Variants in ANKFN1 observed in about 807,000 individuals in gnomAD.
ANKFN1 encodes the protein ankyrin repeat and fibronectin type III domain containing 1.
A neutral mutation model predicts 108.7 loss-of-function variants in ANKFN1; 74 were observed. The ratio of observed to expected loss-of-function variants is 0.68; its 90% CI spans 0.56 to 0.83. ANKFN1 has a LOEUF of 0.83. ANKFN1 is among the 40% of genes least tolerant of loss of function. The pLI, the probability that ANKFN1 is intolerant of heterozygous loss-of-function variation, is 0.00. For synonymous variants in ANKFN1, 547 were observed against 516.2 expected, an observed-to-expected ratio of 1.06 and a Z score of -0.81; for missense variants, 1,505 against 1,382.3, an observed-to-expected ratio of 1.09 and a Z score of -1.41.
intron 9 of ANKFN1, 83 bp downstream of exon 9, chr17:56,440,507 C>A: frequency 1.9e-6 from 2 of 1,067,112 alleles, no homozygotes; most frequent in Non-Finnish European, 2.8e-6. Context: ...ATTCTGAAAG[C>A]AACAGCCAAC....
At chr17:56,379,454 A>T (rs1420703201) in intron 8 of ANKFN1, among the ~76,000 whole-genome samples, 1 of 151,980 alleles carries the variant, frequency 6.6e-6, no homozygotes, top group Non-Finnish European at 1.5e-5. Flanking sequence ...TCGTATTCAT[A>T]CCTCAAACTC....
chr17:56,492,035 A>G (rs1191651923), intron 18 of ANKFN1, among the ~76,000 whole-genome samples, 152 bp from the exon 19 acceptor site: 1 of 152,220 alleles, frequency 6.6e-6, no homozygotes, highest in African/African-American at 2.4e-5. Flanking sequence ...TGGCCCCTTA[A>G]GAGCACATTT....
intron 3 of ANKFN1, among the ~76,000 whole-genome samples, chr17:56,237,392 G>T (rs561033320): frequency 4.1e-4 from 62 of 152,248 alleles, no homozygotes; most frequent in African/African-American, 1.4e-3. Flanking sequence ...GTAGAATTCT[G>T]CTGTGAATTC....
intron 1 of ANKFN1, among the ~76,000 whole-genome samples, chr17:56,165,224 G>A (rs1202366371): frequency 6.6e-6 from 1 of 152,008 alleles, no homozygotes; most frequent in Non-Finnish European, 1.5e-5. Flanking sequence ...CCTGTTTCTT[G>A]CTATACCATC....
At chr17:56,356,931 T>C (rs2046392181) in intron 6 of ANKFN1, among the ~76,000 whole-genome samples, 1 of 152,196 alleles carries the variant, frequency 6.6e-6, no homozygotes, top group Non-Finnish European at 1.5e-5. Context: ...CTGCATTTTC[T>C]GTGAAAACAG....
intron 4 of ANKFN1, among the ~76,000 whole-genome samples, chr17:56,062,947 C>A (rs1412541866): frequency 6.6e-6 from 1 of 152,134 alleles, no homozygotes; most frequent in Non-Finnish European, 1.5e-5. Flanking sequence ...TCAGCATTTG[C>A]TTGTCTGGAA....
At chr17:56,270,893 C>G (rs896851957) in intron 3 of ANKFN1, among the ~76,000 whole-genome samples, 5 of 152,186 alleles carry the variant, frequency 3.3e-5, no homozygotes, top group Non-Finnish European at 7.3e-5. Flanking sequence ...CCTTATCACT[C>G]CAGCTATAGT....
chr17:56,046,924 G>T (rs1443743150), intron 4 of ANKFN1, among the ~76,000 whole-genome samples: 1 of 152,180 alleles, frequency 6.6e-6, no homozygotes, highest in East Asian at 1.9e-4. Context: ...GGAAAATAAC[G>T]AGGTATTTCA....
Position 56,515,285 on chromosome 17 carries a change from A to G in ANKFN1, c.*4016A>G, listed in dbSNP as rs1377715152. 6.6e-6 allele frequency among the ~76,000 whole-genome samples: 1 copy of G among 152,198 alleles called. No individual in the cohort carries two copies. The highest frequency in any genetic ancestry group is 2.4e-5 in the African/African-American group (1 of 41,458). On this transcript the variant is annotated 3_prime_UTR_variant, in exon 21 of 21. Transcript: ENST00000682825. ...TGTGCTTATTAAGCTATCACATACC[A>G]ATTAGAGAAGGTAGCTGTAGATTAA...
chr17:56,421,735 A>G (rs1417817873), intron 8 of ANKFN1, among the ~76,000 whole-genome samples: 2 of 152,164 alleles, frequency 1.3e-5, no homozygotes, highest in African/African-American at 4.8e-5. Context: ...TTTGTCAAGG[A>G]TTTTTCATAT....
intron 4 of ANKFN1, among the ~76,000 whole-genome samples, chr17:56,107,710 C>CACCT (rs1008099164): frequency 2.0e-5 from 3 of 152,168 alleles, no homozygotes; most frequent in African/African-American, 7.2e-5. Context: ...GGCAGTCTCA[C>CACCT]ACCTGGCCCC....
At chr17:56,246,140 C>T (rs908942475) in intron 3 of ANKFN1, among the ~76,000 whole-genome samples, 3 of 152,124 alleles carry the variant, frequency 2.0e-5, no homozygotes, top group African/African-American at 7.2e-5. Flanking sequence ...CAATGTGATT[C>T]CAAACTGCAA....
chr17:56,055,560 T>TATATAC (rs1351235238), intron 4 of ANKFN1, among the ~76,000 whole-genome samples: 1 of 79,886 alleles, frequency 1.3e-5, no homozygotes, highest in Non-Finnish European at 2.3e-5. Context: ...GTGTGTGGTA[T>TATATAC]ATATACATAT....
chr17:56,259,909 AACACACACACACACAC>A (rs34951336), intron 3 of ANKFN1, among the ~76,000 whole-genome samples: 1 of 139,046 alleles, frequency 7.2e-6, no homozygotes, highest in African/African-American at 2.6e-5. Context: ...CCCACCTCCA[AACACACACACACACAC>A]ACACACACAC....
In ANKFN1 at chr17:56,427,464, T is replaced by A. The variant is rs550633593; in HGVS notation, c.911-12863T>A. 2.6e-5 allele frequency among the ~76,000 whole-genome samples: 4 copies of A among 152,258 alleles called. No homozygotes were observed. In the East Asian group the frequency reaches 7.7e-4, roughly 29 times the overall value. On this transcript the variant is annotated intron_variant, in intron 8 of 20. Transcript: ENST00000682825. The stretch of plus-strand genomic sequence containing the variant: ...ACTTATCTTGGCCACTATTGCCACA[T>A]GTAGCTGATATGAACATACAGAACA...
intron 4 of ANKFN1, among the ~76,000 whole-genome samples, chr17:56,072,973 G>A (rs1346271971): frequency 6.6e-6 from 1 of 152,140 alleles, no homozygotes; most frequent in Non-Finnish European, 1.5e-5. Context: ...ACTGTCTGCT[G>A]AGATAAGTAA....
At chr17:56,395,074 G>A (rs1325783320) in intron 8 of ANKFN1, among the ~76,000 whole-genome samples, 1 of 152,120 alleles carries the variant, frequency 6.6e-6, no homozygotes, top group Admixed American at 6.5e-5. Flanking sequence ...CCTTTGTGTT[G>A]TTTTAATACA....
chr17:56,332,490 T>A (rs951215573), intron 4 of ANKFN1, among the ~76,000 whole-genome samples: 73 of 152,238 alleles, frequency 4.8e-4, no homozygotes, highest in African/African-American at 1.4e-3. Context: ...GGATTGAGGG[T>A]TTTTACATTT....
chr17:56,114,476 T>C (rs1029066125), intron 4 of ANKFN1, among the ~76,000 whole-genome samples: 2 of 152,206 alleles, frequency 1.3e-5, no homozygotes, highest in African/African-American at 4.8e-5. Context: ...AAGTGGTTCA[T>C]TTGTCATCAT....
Sources: gnomAD v4.1 joint callset for allele counts (sites outside exome capture counted in the v4.1 genomes callset) on GRCh38, gnomAD v4.1.1 for gene constraint, MANE v1.5 for transcripts, NCBI Gene and HGNC (gene_info 2026-07-23, HGNC 2026-07-21) for gene names.